The following COL4A2 variants were observed in gnomAD, a reference collection of about 807,000 sequenced individuals.
COL4A2 encodes collagen alpha-2(IV) chain.
A neutral mutation model predicts 200.2 loss-of-function variants in COL4A2; 99 were observed. That is an observed-to-expected ratio of 0.49 (90% confidence interval 0.42 to 0.58). The LOEUF (loss-of-function observed/expected upper bound fraction) is 0.58, where lower values mean the gene tolerates loss of function less well. Ranked by LOEUF, COL4A2 falls within the 20% of genes least tolerant of loss-of-function variation. COL4A2 has a pLI of 0.00. For missense variants in COL4A2, 1,950 were observed against 2,314.1 expected (o/e 0.84, Z 3.23); for synonymous variants, 897 against 900.6 (o/e 1.00, Z 0.07).
intron 40 of COL4A2, among the ~76,000 whole-genome samples, chr13:110,495,936 G>C (rs1023718956): frequency 4.6e-5 from 7 of 152,208 alleles, no homozygotes; most frequent in Non-Finnish European, 1.0e-4. Context: ...ATGGCAGTGA[G>C]AAACATTCCT....
Position 110,321,254 on chromosome 13 carries a change from C to CAT in COL4A2, c.99+13141_99+13142dup, listed in dbSNP as rs200453612. 7.8e-3 allele frequency among the ~76,000 whole-genome samples: 1,156 copies of CAT among 148,332 alleles called. 9 individuals carry two copies. The highest frequency in any genetic ancestry group is 0.032 in the Middle Eastern group (9 of 280). ...CACACACACACACATAGAGAGTGTACATATATATATACACATAATGCAAAC... is the reference window on the plus strand; with the variant it reads ...CACACACACACACATAGAGAGTGTACATATATATATATACACATAATGCAAAC... On this transcript the variant is annotated intron_variant, in intron 3 of 47. Coordinates refer to ENST00000360467, the MANE Select transcript of COL4A2 (RefSeq NM_001846.4).
At chr13:110,445,004 C>T (rs1349880856) in intron 16 of COL4A2, among the ~76,000 whole-genome samples, 6 of 152,166 alleles carry the variant, frequency 3.9e-5, no homozygotes, top group Non-Finnish European at 7.3e-5. Flanking sequence ...GTGCCTGCCA[C>T]CATGCCCGGT....
chr13:110,499,325 G>A (rs1315334485), intron 40 of COL4A2, among the ~76,000 whole-genome samples: 1 of 152,200 alleles, frequency 6.6e-6, no homozygotes, highest in Non-Finnish European at 1.5e-5. Context: ...TGGCGGAAGG[G>A]GAAGCAAACA....
chr13:110,429,773 T>C, intron 7 of COL4A2, 112 bp from the exon 8 acceptor site: 1 of 1,010,048 alleles, frequency 9.9e-7, no homozygotes, highest in East Asian at 2.6e-5. Context: ...TAAGAACAAT[T>C]AGACCTTGCC....
chr13:110,432,188 AATGCATCAGAAACCTCC>A (rs1880707880), intron 10 of COL4A2, 120 bp from the exon 11 acceptor site: 2 of 1,123,174 alleles, frequency 1.8e-6, no homozygotes, highest in Admixed American at 8.0e-5. Flanking sequence ...TGCCAAGCCA[AATGCATCAGAAACCTCC>A]ATGCATCCTA....
chr13:110,424,640 CA>C (rs71127938), intron 4 of COL4A2, 93 bp from the exon 5 acceptor site: 13,934 of 666,512 alleles, frequency 0.021, 7 homozygotes, highest in South Asian at 0.03. Flanking sequence ...TCTTTAAAAA[CA>C]AAAAAAAAAA....
chr13:110,457,875 G>A (rs867239558), intron 21 of COL4A2, among the ~76,000 whole-genome samples: 1 of 152,202 alleles, frequency 6.6e-6, no homozygotes, highest in African/African-American at 2.4e-5. Flanking sequence ...AGACTCGGTA[G>A]AGTGACGTGG....
At chr13:110,329,597 C>T (rs1875810701) in intron 3 of COL4A2, among the ~76,000 whole-genome samples, 1 of 152,166 alleles carries the variant, frequency 6.6e-6, no homozygotes, top group Non-Finnish European at 1.5e-5. Flanking sequence ...TGCAGTCATA[C>T]CAAATACAGA....
Position 110,489,786 on chromosome 13 carries a change from G to C in COL4A2, c.3346+1G>C. 1 of 1,604,996 alleles carries C rather than the reference G, an allele frequency of 6.2e-7. No homozygotes were observed. ...GAGCGGGGCACCACTGGAATACCAGGTACGCAAGTTATTTTCCTTGTCTTC... is the reference window on the plus strand; with the variant it reads ...GAGCGGGGCACCACTGGAATACCAGCTACGCAAGTTATTTTCCTTGTCTTC... On this transcript the variant is annotated splice_donor_variant, in intron 36 of 47. Transcript: ENST00000360467. LOFTEE classifies it high-confidence loss of function.
At chr13:110,370,143 C>T (rs929541021) in intron 4 of COL4A2, among the ~76,000 whole-genome samples, 1 of 151,726 alleles carries the variant, frequency 6.6e-6, no homozygotes, top group African/African-American at 2.4e-5. Flanking sequence ...AGAATCACAT[C>T]ACTCTCTTTT....
chr13:110,404,750 C>A (rs911510235), intron 4 of COL4A2, among the ~76,000 whole-genome samples: 1 of 152,228 alleles, frequency 6.6e-6, no homozygotes, highest in Non-Finnish European at 1.5e-5. Context: ...ACAGACAGTT[C>A]TCCCAGAGAA....
At chr13:110,383,765 G>A (rs910763445) in intron 4 of COL4A2, among the ~76,000 whole-genome samples, 4 of 152,018 alleles carry the variant, frequency 2.6e-5, no homozygotes, top group African/African-American at 9.7e-5. Flanking sequence ...ACAGGCGCAT[G>A]CCACCACACC....
intron 4 of COL4A2, among the ~76,000 whole-genome samples, chr13:110,380,796 C>T (rs1026611053): frequency 7.3e-5 from 11 of 151,142 alleles, no homozygotes; most frequent in Admixed American, 5.3e-4. Context: ...GGCTCTATGT[C>T]ACACCCATGG....
chr13:110,382,672 A>G (rs966632241), intron 4 of COL4A2, among the ~76,000 whole-genome samples: 1 of 152,258 alleles, frequency 6.6e-6, no homozygotes, highest in African/African-American at 2.4e-5. Context: ...TCCAATTTTG[A>G]AAGAGGAATT....
At position 110,436,347 on chromosome 13, in the gene COL4A2, T is replaced by G; in HGVS notation, c.805T>G (p.Phe269Val). The change falls in exon 13 of 48, where the codon TTC (phenylalanine) becomes GTC (valine). Residue 269 changes from phenylalanine to valine, a missense_variant. By Grantham distance (50) the Phe-to-Val change is conservative. Transcript: ENST00000360467. ...HPIIAPTGVT[F>V]HPDQYKGEKG... is the part of the protein sequence containing the mutation. ...CATCATCGCGCCCACAGGAGTCACC[T>G]TCCACCCAGATCAGTACAAGGTAAA... is the stretch of plus-strand genomic sequence containing the variant. 6.2e-7 allele frequency: 1 copy of G among 1,614,022 alleles called. No individual in the cohort carries two copies. The highest frequency in any genetic ancestry group is 8.5e-7 in the Non-Finnish European group (1 of 1,180,016).
chr13:110,472,166 A>ATGGT (rs398070435), intron 28 of COL4A2, among the ~76,000 whole-genome samples: 1 of 136,352 alleles, frequency 7.3e-6, no homozygotes, highest in Non-Finnish European at 1.6e-5. Context: ...CCCAGGCTGG[A>ATGGT]GTGCAGTGGT....
chr13:110,477,885 C>A, intron 29 of COL4A2, 118 bp from the exon 30 acceptor site: 1 of 1,056,122 alleles, frequency 9.5e-7, no homozygotes, highest in Non-Finnish European at 1.3e-6. Flanking sequence ...TCCTGATTCT[C>A]TAGAGTCCAG....
At chr13:110,448,828 G>A (rs1394850664) in intron 18 of COL4A2, among the ~76,000 whole-genome samples, 2 of 152,250 alleles carry the variant, frequency 1.3e-5, no homozygotes, top group Non-Finnish European at 2.9e-5. Context: ...CTGTGAGGTG[G>A]AGATGGACTT....
At chr13:110,505,440 A>G (rs1883827347) in intron 45 of COL4A2, among the ~76,000 whole-genome samples, 4 of 152,224 alleles carry the variant, frequency 2.6e-5, no homozygotes, top group Admixed American at 2.6e-4. Flanking sequence ...ACAGATCCGC[A>G]GCCGGCAAAT....
Sources: allele counts gnomAD v4.1 joint callset (sites outside exome capture counted in the v4.1 genomes callset), GRCh38; gene constraint gnomAD v4.1.1; transcripts MANE v1.5; gene names NCBI Gene and HGNC (gene_info 2026-07-23, HGNC 2026-07-21).